ZDHHC15: variants seen among roughly 807,000 people sequenced by gnomAD.
ZDHHC15 encodes zDHHC palmitoyltransferase 15.
In ZDHHC15, 19 loss-of-function variants were observed where a neutral mutation model predicts 31.7. That is an observed-to-expected ratio of 0.60 (90% confidence interval 0.42 to 0.88). The LOEUF (loss-of-function observed/expected upper bound fraction) is 0.88. Among genes scored for constraint, ZDHHC15 ranks in the 40% least tolerant of loss-of-function variants. The pLI, the probability that ZDHHC15 is intolerant of heterozygous loss-of-function variation, is 0.00. For synonymous variants in ZDHHC15, 103 were observed against 90.0 expected (o/e 1.14, Z -0.82); for missense variants, 209 against 251.2 (o/e 0.83, Z 1.14).
intron 3 of ZDHHC15, among the ~76,000 whole-genome samples, chrX:75,474,522 G>GTGTA (rs1556026630): frequency 1.9e-4 from 2 of 10,602 alleles, no homozygotes; most frequent in African/African-American, 2.6e-4. Context: ...CCATATGTGT[G>GTGTA]TATATATATA....
intron 3 of ZDHHC15, 103 bp downstream of exon 3, chrX:75,478,788 G>C: frequency 1.7e-6 from 1 of 597,252 alleles, no homozygotes; most frequent in Non-Finnish European, 2.6e-6. Flanking sequence ...AGATTACCCT[G>C]ACTCTTTCGT....
chrX:75,424,907 T>G, intron 7 of ZDHHC15, 123 bp from the exon 8 acceptor site: 1 of 787,578 alleles, frequency 1.3e-6, no homozygotes, highest in East Asian at 3.8e-5. Flanking sequence ...AAAAATAGAT[T>G]CTGTAAAATT....
At chrX:75,478,734 G>C in intron 3 of ZDHHC15, among the ~76,000 whole-genome samples, 157 bp downstream of exon 3, 1 of 111,245 alleles carries the variant, frequency 9.0e-6, no homozygotes, top group East Asian at 2.8e-4. Flanking sequence ...TCCTTCAATA[G>C]CCTATCCTAC....
At chrX:75,438,983 C>A (rs749543794) in intron 4 of ZDHHC15, among the ~76,000 whole-genome samples, 1 of 111,482 alleles carries the variant, frequency 9.0e-6, no homozygotes, top group African/African-American at 3.2e-5. Flanking sequence ...ATATAGGACC[C>A]AAATCCCTTC....
intron 3 of ZDHHC15, among the ~76,000 whole-genome samples, chrX:75,475,446 C>G (rs1265104312): frequency 8.9e-6 from 1 of 111,831 alleles, no homozygotes; most frequent in Non-Finnish European, 1.9e-5. Flanking sequence ...TATGGACATC[C>G]AGTTATCCCA....
At chrX:75,482,599 G>C (rs1463209002) in intron 2 of ZDHHC15, among the ~76,000 whole-genome samples, 1 of 111,303 alleles carries the variant, frequency 9.0e-6, no homozygotes, top group African/African-American at 3.3e-5. Flanking sequence ...AATTCTTTGG[G>C]AGTAGTGAGT....
intron 7 of ZDHHC15, among the ~76,000 whole-genome samples, chrX:75,426,581 G>T (rs922184223): frequency 1.3e-4 from 15 of 111,295 alleles, no homozygotes; most frequent in African/African-American, 4.2e-4. Flanking sequence ...CTATTATCCT[G>T]ATTCTAAAAT....
chrX:75,448,100 T>C (rs1416226896), intron 4 of ZDHHC15, among the ~76,000 whole-genome samples: 1 of 112,186 alleles, frequency 8.9e-6, no homozygotes, highest in East Asian at 2.8e-4. Flanking sequence ...ATTGGACTAT[T>C]ACTACTCTGC....
chrX:75,490,566 A>G (rs942683581), intron 2 of ZDHHC15, among the ~76,000 whole-genome samples: 6 of 111,754 alleles, frequency 5.4e-5, no homozygotes, highest in African/African-American at 9.8e-5. Flanking sequence ...CATTGAATCT[A>G]TAAATTACCT....
chrX:75,379,572 A>G (rs1239959063), intron 10 of ZDHHC15, among the ~76,000 whole-genome samples: 1 of 112,065 alleles, frequency 8.9e-6, no homozygotes, highest in Non-Finnish European at 1.9e-5. Flanking sequence ...TAGCTATTAC[A>G]GTACTTTAGG....
intron 3 of ZDHHC15, among the ~76,000 whole-genome samples, chrX:75,456,269 C>T (rs2084219371): frequency 9.3e-6 from 1 of 107,713 alleles, no homozygotes; most frequent in African/African-American, 3.4e-5. Context: ...AACCAAACAC[C>T]ACATGTTCTC....
chrX:75,435,283 GCAAA>G (rs1249918432), intron 4 of ZDHHC15, among the ~76,000 whole-genome samples: 4 of 111,616 alleles, frequency 3.6e-5, no homozygotes, highest in Admixed American at 9.5e-5. Flanking sequence ...CACATTATCA[GCAAA>G]CAGTGACTGT....
chrX:75,465,472 G>T (rs2084388671), intron 3 of ZDHHC15, among the ~76,000 whole-genome samples: 2 of 111,196 alleles, frequency 1.8e-5, no homozygotes, highest in African/African-American at 6.5e-5. Flanking sequence ...AATTCGTATG[G>T]AACCAAAAAA....
chrX:75,407,922 G>T (rs753399658), intron 10 of ZDHHC15, among the ~76,000 whole-genome samples: 24 of 111,258 alleles, frequency 2.2e-4, no homozygotes, highest in African/African-American at 7.5e-4. Flanking sequence ...CCAACCCCGT[G>T]CTCTCTGAAA....
At chrX:75,419,514 G>A (rs1030098986) in intron 9 of ZDHHC15, among the ~76,000 whole-genome samples, 2 of 111,013 alleles carry the variant, frequency 1.8e-5, no homozygotes, top group Non-Finnish European at 3.8e-5. Flanking sequence ...CTGTAAACTA[G>A]TTCAACCATT....
At chrX:75,520,183 C>T (rs2085423062) in intron 1 of ZDHHC15, among the ~76,000 whole-genome samples, 1 of 111,811 alleles carries the variant, frequency 8.9e-6, no homozygotes, top group Non-Finnish European at 1.9e-5. Context: ...GTGTAGTCAC[C>T]TAGAAATAGT....
chrX:75,399,418 A>G (rs1437613109), intron 10 of ZDHHC15, among the ~76,000 whole-genome samples: 5 of 112,028 alleles, frequency 4.5e-5, no homozygotes, highest in African/African-American at 1.6e-4. Context: ...AGGCCAGTCC[A>G]TCTCCCACAG....
intron 7 of ZDHHC15, among the ~76,000 whole-genome samples, chrX:75,427,427 G>C (rs142470041): frequency 3.2e-3 from 363 of 111,848 alleles, no homozygotes; most frequent in African/African-American, 0.011. Flanking sequence ...ATAGCACCTG[G>C]CTGGCATTGT....
At chrX:75,432,652 C>G (rs1422619357) in intron 4 of ZDHHC15, among the ~76,000 whole-genome samples, 2 of 111,184 alleles carry the variant, frequency 1.8e-5, no homozygotes, top group East Asian at 2.8e-4. Context: ...CTCAAAAGAC[C>G]TACTATACAG....
Sources: allele counts gnomAD v4.1 joint callset (sites outside exome capture counted in the v4.1 genomes callset), GRCh38; gene constraint gnomAD v4.1.1; transcripts MANE v1.5; gene names NCBI Gene and HGNC (gene_info 2026-07-23, HGNC 2026-07-21).